The following CNOT6L variants were observed in gnomAD, a reference collection of about 807,000 sequenced individuals.
CNOT6L encodes the protein CCR4-NOT transcription complex subunit 6-like.
CNOT6L carries 7 observed loss-of-function variants against 64.0 expected under a neutral mutation model. The ratio of observed to expected loss-of-function variants is 0.11; its 90% CI spans 0.06 to 0.21. The LOEUF is 0.21. Ranked by LOEUF, CNOT6L falls within the 10% of genes least tolerant of loss-of-function variation. CNOT6L has a pLI of 1.00. For missense variants in CNOT6L, 245 were observed against 669.0 expected (o/e 0.37, Z 6.99); for synonymous variants, 193 against 243.4 (o/e 0.79, Z 1.93).
intron 4 of CNOT6L, 43 bp from the exon 5 acceptor site, chr4:77,756,994 G>T: frequency 9.9e-7 from 1 of 1,007,020 alleles, no homozygotes; most frequent in Non-Finnish European, 1.5e-6. Context: ...ACTTATAACT[G>T]CAAGGCAAGA....
rs1050471613 is a variant in CNOT6L at position 77,714,601 on chromosome 4, G to T, written c.*5830C>A. 6.6e-6 allele frequency: 1 copy of T among 152,404 alleles called. No homozygotes were observed. Among genetic ancestry groups the T allele is most frequent in the Non-Finnish European group, 1.5e-5 (1 of 67,998 alleles). The allele number at this position is 152,404 out of a possible 1,614,324, so 9.4% of individuals were successfully genotyped here. A position where few individuals can be genotyped will look rare whatever the true frequency, so the allele number is the denominator to read the frequency against. ...CTTCTCCAAGATGAAAAAGTTGTTT[G>T]CATTTGGACAACAACTGTACGAATG... is the stretch of plus-strand genomic sequence containing the variant. On this transcript the variant is annotated 3_prime_UTR_variant, in exon 12 of 12. Coordinates refer to ENST00000504123, the MANE Select transcript of CNOT6L (RefSeq NM_144571.3).
At chr4:77,807,967 A>AG (rs1732446795) in intron 1 of CNOT6L, among the ~76,000 whole-genome samples, 1 of 152,190 alleles carries the variant, frequency 6.6e-6, no homozygotes, top group Non-Finnish European at 1.5e-5. Context: ...CTCCTTGCAT[A>AG]GGGGTCAGTC....
At chr4:77,780,566 C>T (rs959876351) in intron 1 of CNOT6L, among the ~76,000 whole-genome samples, 2 of 152,148 alleles carry the variant, frequency 1.3e-5, no homozygotes, top group African/African-American at 2.4e-5. Context: ...TATTTCTTAG[C>T]GTGTCTCCTA....
At chr4:77,723,993 C>T (rs892200823) in intron 11 of CNOT6L, among the ~76,000 whole-genome samples, 1 of 152,122 alleles carries the variant, frequency 6.6e-6, no homozygotes, top group African/African-American at 2.4e-5. Flanking sequence ...GGTACAGTGG[C>T]TCACACCTGT....
intron 4 of CNOT6L, among the ~76,000 whole-genome samples, chr4:77,762,873 T>A (rs149575327): frequency 6.6e-6 from 1 of 152,296 alleles, no homozygotes; most frequent in African/African-American, 2.4e-5. Context: ...TGGTGCTGGT[T>A]ATGCAACTAC....
intron 5 of CNOT6L, among the ~76,000 whole-genome samples, chr4:77,751,303 CA>C (rs1207076817): frequency 6.6e-6 from 1 of 152,072 alleles, no homozygotes; most frequent in Non-Finnish European, 1.5e-5. Context: ...AGATAAAAAT[CA>C]GTGAACTTGA....
chr4:77,770,692 C>A (rs1393596038), intron 4 of CNOT6L, among the ~76,000 whole-genome samples: 1 of 152,184 alleles, frequency 6.6e-6, no homozygotes, highest in African/African-American at 2.4e-5. Context: ...TGAAGCAGAG[C>A]TGGTGTCTGA....
chr4:77,777,496 T>C (rs1189446658), intron 1 of CNOT6L, among the ~76,000 whole-genome samples: 1 of 152,152 alleles, frequency 6.6e-6, no homozygotes, highest in African/African-American at 2.4e-5. Flanking sequence ...GCTCTAAAGG[T>C]AACCTTATTC....
At chr4:77,780,194 C>T (rs1728702369) in intron 1 of CNOT6L, among the ~76,000 whole-genome samples, 1 of 152,170 alleles carries the variant, frequency 6.6e-6, no homozygotes, top group Non-Finnish European at 1.5e-5. Flanking sequence ...TCATATACAG[C>T]TCAGTTCAAG....
intron 5 of CNOT6L, among the ~76,000 whole-genome samples, chr4:77,748,755 T>A (rs1724488962): frequency 6.6e-6 from 1 of 152,168 alleles, no homozygotes. Context: ...CCCTGATGAA[T>A]TAAAATACTC....
chr4:77,776,152 A>G (rs1728116500), intron 2 of CNOT6L, 119 bp downstream of exon 2: 3 of 959,390 alleles, frequency 3.1e-6, no homozygotes, highest in South Asian at 3.2e-5. Context: ...GTATCTTACC[A>G]TCTTGTAGTT....
chr4:77,774,737 G>A, intron 2 of CNOT6L, 21 bp from the exon 3 acceptor site: 1 of 1,483,974 alleles, frequency 6.7e-7, no homozygotes, highest in East Asian at 2.5e-5. Context: ...AAATACTGAA[G>A]TGTAAAAAAA....
chr4:77,760,403 G>A (rs1726066024), intron 4 of CNOT6L, among the ~76,000 whole-genome samples: 1 of 151,792 alleles, frequency 6.6e-6, no homozygotes, highest in Non-Finnish European at 1.5e-5. Flanking sequence ...TAAATGCTTT[G>A]AGTTAAAATG....
intron 1 of CNOT6L, among the ~76,000 whole-genome samples, chr4:77,812,125 G>C (rs866058434): frequency 5.3e-5 from 8 of 152,140 alleles, no homozygotes; most frequent in African/African-American, 1.9e-4. Flanking sequence ...TTTGTATGTA[G>C]AAAATCTTAT....
intron 1 of CNOT6L, among the ~76,000 whole-genome samples, chr4:77,799,896 A>G (rs1361335792): frequency 6.6e-6 from 1 of 152,172 alleles, no homozygotes; most frequent in African/African-American, 2.4e-5. Context: ...TAACATTCTA[A>G]CACTTCATAT....
intron 1 of CNOT6L, among the ~76,000 whole-genome samples, chr4:77,810,585 G>A (rs1428724970): frequency 6.6e-6 from 1 of 151,936 alleles, no homozygotes; most frequent in Non-Finnish European, 1.5e-5. Context: ...AATGTGTAGC[G>A]ATCAGATCAA....
chr4:77,805,251 CAA>C (rs1732084189), intron 1 of CNOT6L, among the ~76,000 whole-genome samples: 1 of 152,034 alleles, frequency 6.6e-6, no homozygotes, highest in Non-Finnish European at 1.5e-5. Flanking sequence ...TTTTTTTTTA[CAA>C]AGAGTACATA....
intron 1 of CNOT6L, among the ~76,000 whole-genome samples, chr4:77,809,732 G>A (rs891617460): frequency 2.6e-5 from 4 of 151,906 alleles, no homozygotes; most frequent in Admixed American, 6.6e-5. Context: ...ATTTGTAGCT[G>A]GTATTATGTA....
intron 5 of CNOT6L, among the ~76,000 whole-genome samples, chr4:77,750,140 A>G (rs1724695492): frequency 6.6e-6 from 1 of 152,224 alleles, no homozygotes; most frequent in Admixed American, 6.5e-5. Flanking sequence ...TAAACCATAC[A>G]CTAAAAGTTA....
Sources: allele counts gnomAD v4.1 joint callset (sites outside exome capture counted in the v4.1 genomes callset), GRCh38; gene constraint gnomAD v4.1.1; transcripts MANE v1.5; gene names NCBI Gene and HGNC (gene_info 2026-07-23, HGNC 2026-07-21).